DRD3: variants seen among roughly 807,000 people sequenced by gnomAD.
The protein encoded by DRD3 is dopamine receptor D3.
A neutral mutation model predicts 36.3 loss-of-function variants in DRD3; 19 were observed. That is an observed-to-expected ratio of 0.52 (90% CI 0.36 to 0.77). The LOEUF is 0.77. Ranked by LOEUF, DRD3 falls within the 30% of genes least tolerant of loss-of-function variation. The probability of loss-of-function intolerance (pLI) is 0.00; values close to 1 mark genes in which losing one functional copy is unlikely to be tolerated. For synonymous variants in DRD3, 195 were observed against 203.7 expected (o/e 0.96, Z 0.36); for missense variants, 465 against 505.3 (o/e 0.92, Z 0.77).
intron 4 of DRD3, among the ~76,000 whole-genome samples, chr3:114,139,914 C>T (rs973667165): frequency 3.9e-5 from 6 of 152,146 alleles, no homozygotes; most frequent in African/African-American, 1.4e-4. Context: ...AAAAAGTTAC[C>T]AACAATCATA....
In DRD3 at chr3:114,131,373, C is replaced by T; in HGVS notation, c.751G>A (p.Glu251Lys). The change falls in exon 6 of 7, where the codon GAG becomes AAG. Residue 251 changes from glutamate (E) to lysine (K), a missense_variant. Transcript: ENST00000383673. Reference protein sequence around the residue: ...QTLSPDPAHLELKRYYSICQD... With the variant: ...QTLSPDPAHLKLKRYYSICQD... The stretch of plus-strand genomic sequence containing the variant: ...CAGATGCTGTAGTAACGCTTCAGCT[C>T]CAGATGTGCCGGGTCAGGAGAGAGG... 1 of 1,614,050 alleles carries T rather than the reference C, an allele frequency of 6.2e-7. No homozygotes were observed. The highest frequency in any genetic ancestry group is 8.5e-7 in the Non-Finnish European group (1 of 1,179,942).
intron 1 of DRD3, among the ~76,000 whole-genome samples, chr3:114,188,124 G>A (rs1324620127): frequency 6.6e-6 from 1 of 151,142 alleles, no homozygotes; most frequent in African/African-American, 2.4e-5. Context: ...TGAATGAAAT[G>A]ATAAAGAGTT....
Position 114,139,528 on chromosome 3 carries a change from T to C in DRD3, c.695A>G (p.Asn232Ser). The C allele has an allele frequency of 6.2e-7, 1 of 1,613,982 alleles. No homozygotes were observed. The highest frequency in any genetic ancestry group is 8.5e-7 in the Non-Finnish European group (1 of 1,179,924). Residue 232 changes from asparagine to serine, a missense_variant, in exon 5 of 7, where the codon AAC becomes AGC. Transcript: ENST00000383673. ...RILTRQNSQC[N>S]SVRPGFPQQT... is the part of the protein sequence containing the mutation. ...CTGGGGGAAGCCAGGCCTGACACTG[T>C]TGCACTGACTGTTCTGTCGAGTGAG...
chr3:114,177,037 T>TCTTAACTATGCCA (rs1560000877), intron 1 of DRD3, among the ~76,000 whole-genome samples: 1 of 152,156 alleles, frequency 6.6e-6, no homozygotes, highest in South Asian at 2.1e-4. Flanking sequence ...GAGCTCATGT[T>TCTTAACTATGCCA]CTTAACTATG....
At chr3:114,143,952 T>C (rs2077548868) in intron 4 of DRD3, among the ~76,000 whole-genome samples, 1 of 152,272 alleles carries the variant, frequency 6.6e-6, no homozygotes, top group Non-Finnish European at 1.5e-5. Flanking sequence ...TTATTTTTCT[T>C]ATCTATGCAA....
At position 114,159,785 on chromosome 3, in the gene DRD3, A is replaced by G; in HGVS notation, c.353T>C (p.Ile118Thr). 6.2e-7 allele frequency: 1 copy of G among 1,614,136 alleles called. No individual in the cohort carries two copies. The highest frequency in any genetic ancestry group is 8.5e-7 in the Non-Finnish European group (1 of 1,180,004). The change falls in exon 3 of 7, where the codon ATC becomes ACC. Residue 118 changes from isoleucine to threonine, a missense_variant. Ile to Thr is a moderately conservative substitution (Grantham distance 89). Transcript: ENST00000383673. ...TLDVMMCTAS[I>T]LNLCAISIDR... ...TATGCTGATGGCACAGAGATTAAGGATGCTGGCTGTACACATCATGACATC... is the reference window on the plus strand; with the variant it reads ...TATGCTGATGGCACAGAGATTAAGGGTGCTGGCTGTACACATCATGACATC...
At chr3:114,196,614 G>A (rs1424487939) in intron 1 of DRD3, among the ~76,000 whole-genome samples, 2 of 151,124 alleles carry the variant, frequency 1.3e-5, no homozygotes, top group African/African-American at 5.0e-5. Flanking sequence ...ATGCATAAAT[G>A]TTCCAGCTCT....
At chr3:114,148,711 C>T (rs1165758700) in intron 3 of DRD3, among the ~76,000 whole-genome samples, 1 of 152,076 alleles carries the variant, frequency 6.6e-6, no homozygotes, top group East Asian at 1.9e-4. Flanking sequence ...TGCTTGCTTG[C>T]TTATTTATTT....
In DRD3 at chr3:114,128,647, G is replaced by T; in HGVS notation, c.*69C>A. 1 of 1,470,122 alleles carries T rather than the reference G, an allele frequency of 6.8e-7. No homozygotes were observed. The highest frequency in any genetic ancestry group is 9.1e-7 in the Non-Finnish European group (1 of 1,095,682). The allele number at this position is 1,470,122 out of a possible 1,614,324, so 91.1% of individuals were successfully genotyped here. On this transcript the variant is annotated 3_prime_UTR_variant, in exon 7 of 7. Transcript: ENST00000383673. ...ACTGCATGCCGGAGGACACTGCACA[G>T]TCTTTCTGAGTGGGCCAACAGCCTG... is the stretch of plus-strand genomic sequence containing the variant.
upstream of DRD3, among the ~76,000 whole-genome samples, chr3:114,180,502 G>A (rs189850427): frequency 2.8e-4 from 43 of 152,206 alleles, no homozygotes; most frequent in African/African-American, 9.6e-4. Flanking sequence ...CAGGAAGATG[G>A]CATCTGTCTG....
intron 1 of DRD3, among the ~76,000 whole-genome samples, chr3:114,172,546 A>C (rs1282743669): frequency 6.6e-6 from 1 of 152,198 alleles, no homozygotes; most frequent in Non-Finnish European, 1.5e-5. Flanking sequence ...CAAGTGAGGC[A>C]GGAGTAGAAT....
At chr3:114,144,824 C>T (rs986185778) in intron 4 of DRD3, among the ~76,000 whole-genome samples, 46 of 152,052 alleles carry the variant, frequency 3.0e-4, no homozygotes, top group African/African-American at 1.0e-3. Flanking sequence ...TTGTGAGAGA[C>T]GAGAGAGAAG....
chr3:114,173,769 C>T (rs1362380755), intron 1 of DRD3, among the ~76,000 whole-genome samples: 1 of 152,190 alleles, frequency 6.6e-6, no homozygotes, highest in Non-Finnish European at 1.5e-5. Context: ...ACATTTTACT[C>T]AATGGCTTGT....
chr3:114,138,880 T>C (rs2077498539), intron 5 of DRD3, among the ~76,000 whole-genome samples: 1 of 152,192 alleles, frequency 6.6e-6, no homozygotes, highest in South Asian at 2.1e-4. Context: ...TATATATCCA[T>C]TCATGCTTCA....
rs1158501733 is a variant in DRD3, at chr3:114,193,998, TC to T, written c.-156+5274del. Among the ~76,000 whole-genome samples, 9 of 152,312 alleles carry T rather than the reference TC, an allele frequency of 5.9e-5. No individual in the cohort carries two copies. The South Asian group carries it at 1.9e-3, about 32-fold the overall frequency. On this transcript the variant is annotated intron_variant, in intron 1 of 7. Coordinates refer to the DRD3 transcript ENST00000460779. ...GTCAGTTCTAATTTAAAATATTCTA[TC>T]CTATAAATAAATTCACATCTGTCTG...
At chr3:114,155,801 T>TCTCTTTACACAGTTCTCC (rs2077661600) in intron 3 of DRD3, among the ~76,000 whole-genome samples, 1 of 151,974 alleles carries the variant, frequency 6.6e-6, no homozygotes, top group African/African-American at 2.4e-5. Flanking sequence ...CTGAGGGGGC[T>TCTCTTTACACAGTTCTCC]CTCTTTACAC....
upstream of DRD3, among the ~76,000 whole-genome samples, chr3:114,180,962 A>G (rs1036037546): frequency 2.0e-5 from 3 of 152,184 alleles, no homozygotes; most frequent in African/African-American, 7.2e-5. Context: ...TTTCAGCAAC[A>G]TGGTTTTCAC....
chr3:114,162,113 T>G (rs543573009), intron 2 of DRD3, among the ~76,000 whole-genome samples: 1 of 152,280 alleles, frequency 6.6e-6, no homozygotes, highest in African/African-American at 2.4e-5. Context: ...TTTTACAAAA[T>G]GTACTACAGG....
intron 2 of DRD3, among the ~76,000 whole-genome samples, chr3:114,165,246 G>A (rs1320215049): frequency 6.6e-6 from 1 of 152,006 alleles, no homozygotes; most frequent in East Asian, 1.9e-4. Flanking sequence ...CAAGATGTCC[G>A]CAACAATCAT....
Sources: gnomAD v4.1 joint callset for allele counts (sites outside exome capture counted in the v4.1 genomes callset) on GRCh38, gnomAD v4.1.1 for gene constraint, MANE v1.5 for transcripts, NCBI Gene and HGNC (gene_info 2026-07-23, HGNC 2026-07-21) for gene names.